The following TRPM4 variants were observed in gnomAD, a reference collection of about 807,000 sequenced individuals.
TRPM4 encodes calcium-activated non-selective cation channel 1.
Under a neutral mutation model 135.6 loss-of-function variants are expected in TRPM4, and 124 were observed. That is an observed-to-expected ratio of 0.91 (90% CI 0.79 to 1.06). The LOEUF is 1.06. Ranked by LOEUF, TRPM4 falls within the 50% of genes least tolerant of loss-of-function variation. The pLI is 0.00. For synonymous variants in TRPM4, 745 were observed against 705.6 expected, an observed-to-expected ratio of 1.06 and a Z score of -0.88; for missense variants, 1,658 against 1,671.4, an observed-to-expected ratio of 0.99 and a Z score of 0.14.
intron 16 of TRPM4, among the ~76,000 whole-genome samples, chr19:49,192,049 A>C (rs1968432036): frequency 6.6e-6 from 1 of 152,232 alleles, no homozygotes; most frequent in Admixed American, 6.5e-5. Context: ...TCGTGGTCCC[A>C]AGGCCCCTGC....
At chr19:49,200,926 A>G (rs962734375) in intron 19 of TRPM4, 141 bp downstream of exon 19, 5 of 876,856 alleles carry the variant, frequency 5.7e-6, no homozygotes, top group Middle Eastern at 6.7e-4. Context: ...GTGATACCCT[A>G]TATTCCCCAT....
intron 16 of TRPM4, among the ~76,000 whole-genome samples, chr19:49,194,043 C>T (rs760425783): frequency 3.2e-4 from 47 of 147,570 alleles, no homozygotes; most frequent in Non-Finnish European, 4.4e-4. Flanking sequence ...CCTGCTCCTC[C>T]GCCTTCTCCT....
chr19:49,197,348 CTTTCTTTCTTTCTTTCTCTCTCTTTCT>C (rs1968718343), intron 17 of TRPM4, among the ~76,000 whole-genome samples: 1 of 116,134 alleles, frequency 8.6e-6, no homozygotes, highest in Non-Finnish European at 1.7e-5. Flanking sequence ...TTCTTTCTTT[CTTTCTTTCTTTCTTTCTCTCTCTTTCT>C]TTTCTTTCTT....
In TRPM4 at chr19:49,188,725, GCA is replaced by G; in HGVS notation, c.1830_1831del (p.Arg611GlufsTer9). On this transcript the variant is annotated frameshift_variant, in exon 13 of 25. Coordinates refer to ENST00000252826, the MANE Select transcript of TRPM4 (RefSeq NM_017636.4). LOFTEE classifies it high-confidence loss of function. ...ARLEPDAEEA[A>X]RRKDLAFKFE... The stretch of plus-strand genomic sequence containing the variant: ...CCTGGAGCCTGACGCTGAGGAGGCA[GCA>G]CGGAGGAAAGACCTGGCGTTCAAGT... The G allele has an allele frequency of 6.2e-7, 1 of 1,614,232 alleles. No homozygotes were observed. The highest frequency in any genetic ancestry group is 8.5e-7 in the Non-Finnish European group (1 of 1,180,044).
chr19:49,210,357 A>G lies in TRPM4; in HGVS notation c.3280A>G (p.Arg1094Gly). ...HLRLLLRQLC[R>G]RPRSPQPSSP... ...GCGCCTCCTGCTCAGGCAATTGTGC[A>G]GGCGACCCCGGAGCCCCCAGCCGTC... Residue 1094 changes from arginine (R) to glycine (G), a missense_variant, in exon 21 of 25, where the codon AGG (arginine) becomes GGG (glycine). Transcript: ENST00000252826. The surrounding 1 kb of genome is among the most constrained non-coding windows in gnomAD (Gnocchi z 4.1). 6.2e-7 allele frequency: 1 copy of G among 1,614,150 alleles called. No homozygotes were observed. Among genetic ancestry groups the G allele is most frequent in the Non-Finnish European group, 8.5e-7 (1 of 1,180,036 alleles).
At chr19:49,160,820 G>A (rs1966933031) in intron 2 of TRPM4, among the ~76,000 whole-genome samples, 1 of 152,072 alleles carries the variant, frequency 6.6e-6, no homozygotes, top group African/African-American at 2.4e-5. Flanking sequence ...GAGGGGTAGT[G>A]GCCTGAGCCA....
chr19:49,164,629 G>A (rs964095816), intron 2 of TRPM4, among the ~76,000 whole-genome samples: 1 of 151,460 alleles, frequency 6.6e-6, no homozygotes, highest in Non-Finnish European at 1.5e-5. Context: ...TGATCCACCC[G>A]CCTCAGCCTC....
intron 16 of TRPM4, among the ~76,000 whole-genome samples, chr19:49,192,696 G>C (rs1021242190): frequency 2.8e-4 from 43 of 152,044 alleles, no homozygotes; most frequent in African/African-American, 1.0e-3. Flanking sequence ...GGTAGGGCGA[G>C]GGAGAGGACC....
intron 2 of TRPM4, among the ~76,000 whole-genome samples, chr19:49,163,137 A>G (rs1012157011): frequency 6.6e-6 from 1 of 151,884 alleles, no homozygotes; most frequent in African/African-American, 2.4e-5. Context: ...CCATGCAGCT[A>G]TCACATTGGA....
Position 49,172,000 on chromosome 19 carries a change from A to G in TRPM4, c.1051-9A>G, listed in dbSNP as rs200985127. On this transcript the variant is annotated splice_polypyrimidine_tract_variant and intron_variant, in intron 8 of 24. Transcript: ENST00000252826. The surrounding 1 kb of genome is among the most constrained non-coding windows in gnomAD (Gnocchi z 4.7). ...GCGGGCTAGGGATGCAGAACTGGCT[A>G]TTCCACAGGTGGAGAGGATTATGAC... is the stretch of plus-strand genomic sequence containing the variant. The G allele has an allele frequency of 1.7e-4, 274 of 1,610,972 alleles. No homozygotes were observed. The East Asian group carries it at 5.5e-3, about 32-fold the overall frequency.
At chr19:49,167,011 G>A (rs996700381) in intron 3 of TRPM4, among the ~76,000 whole-genome samples, 2 of 145,302 alleles carry the variant, frequency 1.4e-5, no homozygotes, top group Admixed American at 1.4e-4. Flanking sequence ...TGTTTCTCCG[G>A]GTCTCTGTCC....
In TRPM4 at chr19:49,210,658, G is replaced by A; in HGVS notation, c.3329-52G>A. ...TCTGAGGGTGTCGGAAGGGGCAGCT[G>A]GGATTGGGAAGGGGCGTGGCCTGAG... On this transcript the variant is annotated intron_variant, in intron 21 of 24. Coordinates refer to ENST00000252826, the MANE Select transcript of TRPM4 (RefSeq NM_017636.4). This position sits in a 1 kb window ranked among gnomAD's most constrained non-coding sequence, Gnocchi z 4.1. 1.4e-5 allele frequency: 22 copies of A among 1,613,564 alleles called. No individual in the cohort carries two copies. Among genetic ancestry groups the A allele is most frequent in the Middle Eastern group, 1.6e-4 (1 of 6,062 alleles).
At chr19:49,189,813 G>C (rs1473683511) in intron 14 of TRPM4, among the ~76,000 whole-genome samples, 1 of 152,132 alleles carries the variant, frequency 6.6e-6, no homozygotes, top group Non-Finnish European at 1.5e-5. Context: ...AGAGTCCCTT[G>C]CTGTGGATAG....
chr19:49,170,253 A>C (rs1244476921), intron 6 of TRPM4, among the ~76,000 whole-genome samples: 1 of 152,052 alleles, frequency 6.6e-6, no homozygotes, highest in Non-Finnish European at 1.5e-5. Context: ...CAGTGGCGTG[A>C]TCTCAGCTCA....
At chr19:49,164,275 TTCCC>T (rs796267104) in intron 2 of TRPM4, among the ~76,000 whole-genome samples, 34 of 118,936 alleles carry the variant, frequency 2.9e-4, no homozygotes, top group East Asian at 4.5e-4. Flanking sequence ...TTCTCTCTCT[TTCCC>T]TCCCTCCCTC....
intron 10 of TRPM4, 169 bp from the exon 11 acceptor site, chr19:49,182,405 CATCT>C (rs1271459537): frequency 6.0e-6 from 4 of 663,680 alleles, no homozygotes; most frequent in Admixed American, 2.1e-5. Context: ...CCCATCCATC[CATCT>C]GTCCATCCAT....
chr19:49,179,373 C>T (rs1405272865), intron 9 of TRPM4, among the ~76,000 whole-genome samples: 8 of 150,568 alleles, frequency 5.3e-5, no homozygotes, highest in Non-Finnish European at 8.8e-5. Context: ...TTATTTGAGA[C>T]GGAGTCTCCC....
chr19:49,195,166 C>T (rs1013568416), intron 16 of TRPM4, among the ~76,000 whole-genome samples: 1 of 152,034 alleles, frequency 6.6e-6, no homozygotes, highest in Non-Finnish European at 1.5e-5. Context: ...TCTTGGTGTA[C>T]TCACAGAATT....
chr19:49,196,202 A>G (rs1451430352), intron 16 of TRPM4, among the ~76,000 whole-genome samples: 2 of 152,180 alleles, frequency 1.3e-5, no homozygotes, highest in African/African-American at 2.4e-5. Context: ...AGGTTTTGCC[A>G]TGTTGGCCAG....
Sources: allele counts gnomAD v4.1 joint callset (sites outside exome capture counted in the v4.1 genomes callset), GRCh38; gene constraint gnomAD v4.1.1; non-coding constraint Gnocchi (gnomAD v3.1); transcripts MANE v1.5; gene names NCBI Gene and HGNC (gene_info 2026-07-23, HGNC 2026-07-21).